Variants in GALNT17 observed in about 807,000 individuals in gnomAD.
The protein encoded by GALNT17 is polypeptide N-acetylgalactosaminyltransferase 17.
Under a neutral mutation model 63.7 loss-of-function variants are expected in GALNT17, and 29 were observed. That is an observed-to-expected ratio of 0.46 (90% CI 0.34 to 0.62). The LOEUF is 0.62. GALNT17 is among the 20% of genes least tolerant of loss of function. The pLI, the probability that GALNT17 is intolerant of heterozygous loss-of-function variation, is 0.01. For missense variants in GALNT17, 603 were observed against 799.6 expected (o/e 0.75, Z 2.97); for synonymous variants, 305 against 318.3 (o/e 0.96, Z 0.45).
chr7:71,157,627 C>T (rs1020351273), intron 1 of GALNT17, among the ~76,000 whole-genome samples: 5 of 151,310 alleles, frequency 3.3e-5, no homozygotes, highest in Admixed American at 6.6e-5. Context: ...CACTGCTTTC[C>T]GGCCTGGGTG....
intron 6 of GALNT17, among the ~76,000 whole-genome samples, chr7:71,650,385 G>T (rs1790737213): frequency 6.6e-6 from 1 of 152,178 alleles, no homozygotes; most frequent in South Asian, 2.1e-4. Flanking sequence ...GAGTAGCTGG[G>T]ACTACAGGCA....
chr7:71,235,350 G>A (rs181823477), intron 1 of GALNT17, among the ~76,000 whole-genome samples: 1 of 152,076 alleles, frequency 6.6e-6, no homozygotes, highest in Non-Finnish European at 1.5e-5. Flanking sequence ...TGCACAGAAG[G>A]CTGCATCACC....
chr7:71,519,195 C>G (rs2116745569), intron 5 of GALNT17, among the ~76,000 whole-genome samples: 1 of 152,148 alleles, frequency 6.6e-6, no homozygotes. Context: ...GTGTAACTAC[C>G]AGATAAACAC....
intron 3 of GALNT17, among the ~76,000 whole-genome samples, chr7:71,407,945 G>A (rs1464124106): frequency 6.6e-6 from 1 of 152,200 alleles, no homozygotes; most frequent in Non-Finnish European, 1.5e-5. Flanking sequence ...CAATGGGTAT[G>A]GGGTTTATGT....
At chr7:71,396,416 T>C (rs1793141010) in intron 3 of GALNT17, among the ~76,000 whole-genome samples, 1 of 152,198 alleles carries the variant, frequency 6.6e-6, no homozygotes, top group Non-Finnish European at 1.5e-5. Context: ...TTGTCTAAAA[T>C]CAACTTACTG....
At chr7:71,584,947 G>C (rs1022168383) in intron 6 of GALNT17, among the ~76,000 whole-genome samples, 2 of 151,856 alleles carry the variant, frequency 1.3e-5, no homozygotes, top group South Asian at 4.2e-4. Flanking sequence ...GTAGAGACGG[G>C]GTCTTCTCAC....
intron 5 of GALNT17, among the ~76,000 whole-genome samples, chr7:71,488,889 CTTTTTTTTTTTTTTTT>C (rs369124996): frequency 1.8e-5 from 1 of 54,724 alleles, no homozygotes; most frequent in Non-Finnish European, 3.0e-5. Flanking sequence ...GCCAGGTTTC[CTTTTTTTTTTTTTTTT>C]TTTTTTTTGA....
chr7:71,646,640 G>A lies in GALNT17; in HGVS notation c.1081-18771G>A, dbSNP rs76952741. ...CTCATCTTGGCTGTAACAAAAGCAA[G>A]TGAGAGGCTGAACCCTCCTATGCTT... On this transcript the variant is annotated intron_variant, in intron 6 of 10. Transcript: ENST00000333538. Among the ~76,000 whole-genome samples, 728 of 152,232 alleles carry A rather than the reference G, an allele frequency of 4.8e-3. 5 individuals are homozygous for A. The highest frequency in any genetic ancestry group is 7.8e-3 in the Non-Finnish European group (528 of 68,024).
chr7:71,432,476 CAA>C (rs1786885480), intron 5 of GALNT17, among the ~76,000 whole-genome samples: 1 of 152,176 alleles, frequency 6.6e-6, no homozygotes. Flanking sequence ...CCTTGGCATG[CAA>C]AGACACTCTT....
At chr7:71,156,596 TCC>T in intron 1 of GALNT17, among the ~76,000 whole-genome samples, 1 of 149,754 alleles carries the variant, frequency 6.7e-6, no homozygotes, top group Non-Finnish European at 1.5e-5. Flanking sequence ...CTTCCTTCCT[TCC>T]TTCCTTCCTT....
At chr7:71,654,422 A>G (rs972562324) in intron 6 of GALNT17, among the ~76,000 whole-genome samples, 20 of 152,214 alleles carry the variant, frequency 1.3e-4, no homozygotes, top group African/African-American at 4.8e-4. Context: ...CACCAGCAAG[A>G]GTCCTAAGTG....
At chr7:71,525,451 C>A (rs1788607947) in intron 5 of GALNT17, among the ~76,000 whole-genome samples, 1 of 152,058 alleles carries the variant, frequency 6.6e-6, no homozygotes, top group Non-Finnish European at 1.5e-5. Context: ...CATGATCTGC[C>A]CTCCTCGGCC....
At chr7:71,527,271 A>G (rs1287136931) in intron 5 of GALNT17, among the ~76,000 whole-genome samples, 1 of 152,258 alleles carries the variant, frequency 6.6e-6, no homozygotes, top group Non-Finnish European at 1.5e-5. Context: ...TAGAAAAACC[A>G]TTATATACTG....
intron 2 of GALNT17, among the ~76,000 whole-genome samples, chr7:71,365,142 A>G (rs910205367): frequency 2.0e-5 from 3 of 152,146 alleles, no homozygotes; most frequent in Admixed American, 2.0e-4. Context: ...CATGTTGGCC[A>G]GGCTGGTCTC....
At chr7:71,346,973 A>G (rs1027842446) in intron 2 of GALNT17, among the ~76,000 whole-genome samples, 12 of 152,132 alleles carry the variant, frequency 7.9e-5, no homozygotes, top group Non-Finnish European at 1.5e-4. Context: ...GAAAAATTGT[A>G]TAATATTATG....
chr7:71,437,875 C>T (rs1786993738), intron 5 of GALNT17, among the ~76,000 whole-genome samples: 1 of 152,036 alleles, frequency 6.6e-6, no homozygotes, highest in African/African-American at 2.4e-5. Flanking sequence ...CCATGCCCAG[C>T]TAATTATTTT....
intron 2 of GALNT17, among the ~76,000 whole-genome samples, chr7:71,350,753 G>T (rs1792174835): frequency 6.6e-6 from 1 of 152,136 alleles, no homozygotes; most frequent in South Asian, 2.1e-4. Context: ...TTAGATACTG[G>T]GGGACAACTG....
At chr7:71,470,298 C>T (rs115897435) in intron 5 of GALNT17, among the ~76,000 whole-genome samples, 2,990 of 152,202 alleles carry the variant, frequency 0.02, 40 homozygotes, top group African/African-American at 0.03. Flanking sequence ...GTAAGAGACA[C>T]AATGTGTCTT....
intron 2 of GALNT17, among the ~76,000 whole-genome samples, chr7:71,354,333 C>G (rs554507811): frequency 3.1e-4 from 47 of 152,232 alleles, no homozygotes; most frequent in African/African-American, 1.1e-3. Context: ...TAGTGTTTCT[C>G]ATTAAGTAAG....
Sources: gnomAD v4.1 joint callset for allele counts (sites outside exome capture counted in the v4.1 genomes callset) on GRCh38, gnomAD v4.1.1 for gene constraint, MANE v1.5 for transcripts, NCBI Gene and HGNC (gene_info 2026-07-23, HGNC 2026-07-21) for gene names.